PPP4R1: variants seen among roughly 807,000 people sequenced by gnomAD.
PPP4R1 encodes protein phosphatase 4 regulatory subunit 1.
PPP4R1 carries 42 observed loss-of-function variants against 111.2 expected under a neutral mutation model. That is an observed-to-expected ratio of 0.38 (90% CI 0.29 to 0.49). The LOEUF (loss-of-function observed/expected upper bound fraction) is 0.49, where lower values mean the gene tolerates loss of function less well. Among genes scored for constraint, PPP4R1 ranks in the 20% least tolerant of loss-of-function variants. PPP4R1 has a pLI of 0.97. For synonymous variants in PPP4R1, 409 were observed against 405.5 expected (o/e 1.01, Z -0.10); for missense variants, 1,012 against 1,161.6 (o/e 0.87, Z 1.87).
At position 9,555,962 on chromosome 18, in the gene PPP4R1, C is replaced by T. The variant is rs534154375; in HGVS notation, c.2190+1259G>A. ...CCATCCTGGCCAACACGGTGAAACC[C>T]CATCTCTACTAAAACAAACAAACAA... On this transcript the variant is annotated intron_variant, in intron 15 of 19. Coordinates refer to ENST00000400556, the MANE Select transcript of PPP4R1 (RefSeq NM_001042388.3). Among the ~76,000 whole-genome samples the T allele has an allele frequency of 2.5e-3, 371 of 148,848 alleles. 1 individual carries two copies. Among genetic ancestry groups the T allele is most frequent in the Admixed American group, 4.7e-3 (69 of 14,776 alleles).
chr18:9,558,742 AGG>A (rs2066627331), intron 14 of PPP4R1, among the ~76,000 whole-genome samples: 1 of 150,578 alleles, frequency 6.6e-6, no homozygotes, highest in African/African-American at 2.4e-5. Flanking sequence ...ACTTCACTGA[AGG>A]AACAGGTGTG....
Position 9,553,386 on chromosome 18 carries a change from G to C in PPP4R1, c.2227C>G (p.Gln743Glu). The C allele has an allele frequency of 6.3e-7, 1 of 1,599,104 alleles. No individual in the cohort carries two copies. The highest frequency in any genetic ancestry group is 8.6e-7 in the Non-Finnish European group (1 of 1,167,394). The change falls in exon 16 of 20, where the codon CAA becomes GAA. Residue 743 changes from glutamine (Q) to glutamate (E), a missense_variant. Physicochemically the swap from Gln to Glu is conservative, Grantham distance 29. Transcript: ENST00000400556. ...HIDKRREYLY[Q>E]LQEFLVTDNS... Reference sequence around the variant, plus strand: ...TCTGTCACCAAAAACTCCTGAAGTTGATAAAGATATTCTCTTCTTTTGTCA... The same window carrying C: ...TCTGTCACCAAAAACTCCTGAAGTTCATAAAGATATTCTCTTCTTTTGTCA...
rs73939890 is a variant in PPP4R1, at chr18:9,575,951, A to G, written c.1046+1113T>C. 8.3e-3 allele frequency among the ~76,000 whole-genome samples: 1,264 copies of G among 152,322 alleles called. 19 individuals are homozygous for G. The highest frequency in any genetic ancestry group is 0.029 in the African/African-American group (1,191 of 41,556). On this transcript the variant is annotated intron_variant, in intron 10 of 19. Coordinates refer to ENST00000400556, the MANE Select transcript of PPP4R1 (RefSeq NM_001042388.3). Reference sequence around the variant, plus strand: ...TGCTGATTTCAAAAATGAAAAATAGATAACATTCCCCACCCACCATCATCA... The same window carrying G: ...TGCTGATTTCAAAAATGAAAAATAGGTAACATTCCCCACCCACCATCATCA...
In PPP4R1 at chr18:9,547,441, A is replaced by AAGCAATGCAGGTCTCTGGGAATCTC. The variant is rs1204187609; in HGVS notation, c.*323_*347dup. On this transcript the variant is annotated 3_prime_UTR_variant, in exon 20 of 20. Transcript: ENST00000400556. ...TCGATTGTTAAATAAAACCAGGAGAAAGCAATGCAGGTCTCTGGGAATCTC... is the reference window on the plus strand; with the variant it reads ...TCGATTGTTAAATAAAACCAGGAGAAAGCAATGCAGGTCTCTGGGAATCTCAGCAATGCAGGTCTCTGGGAATCTC... The AAGCAATGCAGGTCTCTGGGAATCTC allele has an allele frequency of 5.2e-6, 1 of 191,250 alleles. No individual in the cohort carries two copies. Among genetic ancestry groups the AAGCAATGCAGGTCTCTGGGAATCTC allele is most frequent in the Non-Finnish European group, 1.1e-5 (1 of 91,252 alleles). 11.8% of individuals were successfully genotyped at this position (191,250 alleles called of 1,614,324 possible).
rs1469521787 is a variant in PPP4R1, at chr18:9,547,437, G to T, written c.*352C>A. On this transcript the variant is annotated 3_prime_UTR_variant, in exon 20 of 20. Transcript: ENST00000400556. The stretch of plus-strand genomic sequence containing the variant: ...TTTGTCGATTGTTAAATAAAACCAG[G>T]AGAAAGCAATGCAGGTCTCTGGGAA... 2 of 188,540 alleles carry T rather than the reference G, an allele frequency of 1.1e-5. No homozygotes were observed. The highest frequency in any genetic ancestry group is 2.2e-5 in the Non-Finnish European group (2 of 89,560). The allele number at this position is 188,540 out of a possible 1,614,324, so 11.7% of individuals were successfully genotyped here.
At chr18:9,590,282 A>G (rs2067189645) in intron 4 of PPP4R1, 1 of 152,262 alleles carries the variant, frequency 6.6e-6, no homozygotes, top group South Asian at 2.1e-4. Flanking sequence ...TACAAAGCTC[A>G]GAATCTTATC....
chr18:9,601,705 T>C (rs1310150030), intron 2 of PPP4R1, among the ~76,000 whole-genome samples: 3 of 151,988 alleles, frequency 2.0e-5, no homozygotes. Context: ...GTTGCCCAGG[T>C]TGGTCTTGAA....
chr18:9,562,576 C>T (rs1322008810), intron 12 of PPP4R1, among the ~76,000 whole-genome samples: 1 of 152,148 alleles, frequency 6.6e-6, no homozygotes, highest in East Asian at 1.9e-4. Context: ...AATAAATAGT[C>T]AGGGCTTCAA....
intron 2 of PPP4R1, among the ~76,000 whole-genome samples, chr18:9,601,016 A>C (rs989217362): frequency 6.6e-6 from 1 of 152,184 alleles, no homozygotes; most frequent in Non-Finnish European, 1.5e-5. Flanking sequence ...TGCATAACTA[A>C]AGTTTACAGA....
chr18:9,579,746 A>G (rs987820537), intron 9 of PPP4R1, among the ~76,000 whole-genome samples: 2 of 152,240 alleles, frequency 1.3e-5, no homozygotes, highest in Non-Finnish European at 2.9e-5. Context: ...AATTACTTAC[A>G]TAGCATTTAT....
chr18:9,602,156 A>G (rs2067394455), intron 2 of PPP4R1, among the ~76,000 whole-genome samples: 1 of 152,104 alleles, frequency 6.6e-6, no homozygotes, highest in South Asian at 2.1e-4. Flanking sequence ...CCTGAATCTA[A>G]CACAGAAATC....
intron 2 of PPP4R1, chr18:9,613,960 T>G: frequency 3.9e-6 from 1 of 253,494 alleles, no homozygotes; most frequent in Non-Finnish European, 7.5e-6. Flanking sequence ...CCGCAGGCGA[T>G]TCGGGGGCGC....
intron 2 of PPP4R1, among the ~76,000 whole-genome samples, chr18:9,598,421 C>G (rs555073973): frequency 2.0e-5 from 3 of 151,886 alleles, no homozygotes; most frequent in African/African-American, 7.3e-5. Flanking sequence ...TTCAGGCAGC[C>G]GGAGAAAAAC....
intron 18 of PPP4R1, among the ~76,000 whole-genome samples, 196 bp from the exon 19 acceptor site, chr18:9,549,534 T>C (rs1282667882): frequency 6.6e-6 from 1 of 152,228 alleles, no homozygotes; most frequent in Non-Finnish European, 1.5e-5. Context: ...GTTTTTAAAC[T>C]GCTCTACGGA....
intron 18 of PPP4R1, among the ~76,000 whole-genome samples, chr18:9,549,679 T>G (rs1351926188): frequency 6.6e-6 from 1 of 152,222 alleles, no homozygotes; most frequent in Non-Finnish European, 1.5e-5. Flanking sequence ...CATGTATGTA[T>G]GCCTGTGTAA....
chr18:9,552,510 T>G (rs2066505160), intron 16 of PPP4R1, among the ~76,000 whole-genome samples: 1 of 152,108 alleles, frequency 6.6e-6, no homozygotes, highest in Non-Finnish European at 1.5e-5. Context: ...TAAAATTTAG[T>G]AGAAAAATAG....
At chr18:9,571,809 T>TG (rs1310204287) in intron 10 of PPP4R1, among the ~76,000 whole-genome samples, 8 of 152,338 alleles carry the variant, frequency 5.3e-5, no homozygotes, top group African/African-American at 1.9e-4. Flanking sequence ...AGATATCACA[T>TG]GAACCACTGT....
intron 4 of PPP4R1, among the ~76,000 whole-genome samples, chr18:9,590,785 A>T (rs2067198087): frequency 6.6e-6 from 1 of 152,144 alleles, no homozygotes; most frequent in Non-Finnish European, 1.5e-5. Context: ...AAAAACAATA[A>T]GGCTTCTCTG....
chr18:9,588,322 T>A, intron 5 of PPP4R1, 87 bp from the exon 6 acceptor site: 1 of 1,398,778 alleles, frequency 7.1e-7, no homozygotes, highest in South Asian at 1.4e-5. Context: ...AGATTTCTCA[T>A]CTCAAAGGGA....
Sources: allele counts gnomAD v4.1 joint callset (sites outside exome capture counted in the v4.1 genomes callset), GRCh38; gene constraint gnomAD v4.1.1; transcripts MANE v1.5; gene names NCBI Gene and HGNC (gene_info 2026-07-23, HGNC 2026-07-21).